RAPGEF1: variants seen among roughly 807,000 people sequenced by gnomAD.
The protein encoded by RAPGEF1 is Rap guanine nucleotide exchange factor 1, also known as CRK SH3-binding GNRP.
In RAPGEF1, 33 loss-of-function variants were observed where a neutral mutation model predicts 143.3. The ratio of observed to expected loss-of-function variants is 0.23; its 90% CI spans 0.17 to 0.31. The LOEUF (loss-of-function observed/expected upper bound fraction) is 0.31, where lower values mean the gene tolerates loss of function less well. RAPGEF1 is among the 10% of genes least tolerant of loss of function. The pLI, the probability that RAPGEF1 is intolerant of heterozygous loss-of-function variation, is 1.00. For synonymous variants in RAPGEF1, 629 were observed against 676.5 expected, an observed-to-expected ratio of 0.93 and a Z score of 1.09; for missense variants, 1,199 against 1,645.4, an observed-to-expected ratio of 0.73 and a Z score of 4.69.
At chr9:131,707,086 CAT>C (rs1411538575) in intron 1 of RAPGEF1, among the ~76,000 whole-genome samples, 5 of 152,218 alleles carry the variant, frequency 3.3e-5, no homozygotes, top group Admixed American at 2.6e-4. Flanking sequence ...CGTAAGTAAA[CAT>C]ATTAAATTTC....
chr9:131,724,603 A>T (rs1836516225), intron 1 of RAPGEF1, among the ~76,000 whole-genome samples: 1 of 152,200 alleles, frequency 6.6e-6, no homozygotes. Flanking sequence ...TCAGAAAAAA[A>T]AAAGTCCACT....
intron 12 of RAPGEF1, among the ~76,000 whole-genome samples, chr9:131,607,000 C>T (rs1453620559): frequency 1.3e-5 from 2 of 152,180 alleles, no homozygotes; most frequent in South Asian, 2.1e-4. Context: ...GCAACCCTCT[C>T]GTTTCCACCT....
At chr9:131,710,325 C>G (rs185863942) in intron 1 of RAPGEF1, among the ~76,000 whole-genome samples, 132 of 152,286 alleles carry the variant, frequency 8.7e-4, no homozygotes, top group Admixed American at 1.4e-3. Context: ...GAAGAAAACA[C>G]CTTGGGGACA....
At chr9:131,727,670 G>A (rs1021694050) in intron 1 of RAPGEF1, among the ~76,000 whole-genome samples, 1 of 152,122 alleles carries the variant, frequency 6.6e-6, no homozygotes, top group Non-Finnish European at 1.5e-5. Context: ...AGGGAACTCC[G>A]CACCCCTGCA....
chr9:131,651,629 A>G (rs1156950406), intron 1 of RAPGEF1, among the ~76,000 whole-genome samples: 4 of 152,258 alleles, frequency 2.6e-5, no homozygotes, highest in Non-Finnish European at 5.9e-5. Context: ...CAAAAGCACA[A>G]GTAACAAAAT....
In RAPGEF1 at chr9:131,674,500, C is replaced by A. The variant is rs578130410; in HGVS notation, c.62-23551G>T. ...GGTTCCCCAAGGCGTGAGAAGCCAC[C>A]ACTGTGGTCCCTCTCCCTCAGGTGC... On this transcript the variant is annotated intron_variant, in intron 1 of 26. Coordinates refer to ENST00000683357, the MANE Select transcript of RAPGEF1 (RefSeq NM_001377935.1). 2.0e-5 allele frequency among the ~76,000 whole-genome samples: 3 copies of A among 152,226 alleles called. No individual in the cohort carries two copies. In the South Asian group the frequency reaches 6.2e-4, roughly 32 times the overall value.
intron 12 of RAPGEF1, among the ~76,000 whole-genome samples, chr9:131,614,149 C>CCG (rs1391905412): frequency 6.6e-6 from 1 of 151,804 alleles, no homozygotes; most frequent in African/African-American, 2.4e-5. Context: ...CACCCCCCCC[C>CCG]AAGGAGGGGC....
At chr9:131,695,868 ACT>A (rs1238238501) in intron 1 of RAPGEF1, among the ~76,000 whole-genome samples, 3 of 152,034 alleles carry the variant, frequency 2.0e-5, no homozygotes, top group African/African-American at 7.2e-5. Context: ...AATCAATGTA[ACT>A]CTGCAGGCAA....
At chr9:131,708,257 C>T (rs1370424276) in intron 1 of RAPGEF1, among the ~76,000 whole-genome samples, 1 of 152,194 alleles carries the variant, frequency 6.6e-6, no homozygotes, top group Non-Finnish European at 1.5e-5. Flanking sequence ...TGTCTTGCTA[C>T]TGATCAAATG....
rs142115825 is a variant in RAPGEF1, at chr9:131,614,148, C to G, written c.2061+4903G>C. ...CCAGTGTGTGCACCAACACCCCCCC[C>G]CAAGGAGGGGCTGCCTTGAGAAACC... On this transcript the variant is annotated intron_variant, in intron 12 of 26. Coordinates refer to ENST00000683357, the MANE Select transcript of RAPGEF1 (RefSeq NM_001377935.1). 3.3e-3 allele frequency among the ~76,000 whole-genome samples: 496 copies of G among 152,102 alleles called. 2 individuals are homozygous for G. The highest frequency in any genetic ancestry group is 4.7e-3 in the Non-Finnish European group (318 of 67,966).
In RAPGEF1 at chr9:131,592,201, T is replaced by A; in HGVS notation, c.2690-18A>T. 1 of 1,567,786 alleles carries A rather than the reference T, an allele frequency of 6.4e-7. No individual in the cohort carries two copies. Among genetic ancestry groups the A allele is most frequent in the Non-Finnish European group, 8.8e-7 (1 of 1,138,768 alleles). On this transcript the variant is annotated intron_variant, in intron 17 of 26. Coordinates refer to ENST00000683357, the MANE Select transcript of RAPGEF1 (RefSeq NM_001377935.1). ...CACCAAATCTAGAGGGAAAAAACAATGCAAACTGCTTGTCTGGGTGCAGAG... is the reference window on the plus strand; with the variant it reads ...CACCAAATCTAGAGGGAAAAAACAAAGCAAACTGCTTGTCTGGGTGCAGAG...
At chr9:131,708,282 T>C (rs1835229588) in intron 1 of RAPGEF1, among the ~76,000 whole-genome samples, 1 of 152,226 alleles carries the variant, frequency 6.6e-6, no homozygotes, top group Admixed American at 6.5e-5. Context: ...CGCAACTTCT[T>C]CTGGCAAGAG....
chr9:131,596,869 G>C (rs952459070), intron 16 of RAPGEF1, among the ~76,000 whole-genome samples: 1 of 152,226 alleles, frequency 6.6e-6, no homozygotes, highest in Non-Finnish European at 1.5e-5. Flanking sequence ...TCCCCAGGTG[G>C]AAGTAGAAGT....
chr9:131,678,170 A>G (rs1243928818), intron 1 of RAPGEF1, among the ~76,000 whole-genome samples: 3 of 152,242 alleles, frequency 2.0e-5, no homozygotes. Flanking sequence ...CTTTAAAAGC[A>G]AACAGAGTCA....
At chr9:131,662,341 A>G (rs1292433993) in intron 1 of RAPGEF1, among the ~76,000 whole-genome samples, 1 of 152,126 alleles carries the variant, frequency 6.6e-6, no homozygotes, top group East Asian at 1.9e-4. Flanking sequence ...ACTTGCCTAT[A>G]TGTTGTCTAC....
At chr9:131,696,788 G>C (rs551247062) in intron 1 of RAPGEF1, among the ~76,000 whole-genome samples, 9 of 152,340 alleles carry the variant, frequency 5.9e-5, no homozygotes, top group Admixed American at 5.2e-4. Context: ...GACGCATCTT[G>C]AAAGTATGGA....
At chr9:131,629,978 C>T (rs1284965937) in intron 6 of RAPGEF1, among the ~76,000 whole-genome samples, 1 of 152,040 alleles carries the variant, frequency 6.6e-6, no homozygotes, top group Non-Finnish European at 1.5e-5. Context: ...CGAAGCTGCC[C>T]AGGAAAAGCA....
At chr9:131,696,458 T>G (rs1473109200) in intron 1 of RAPGEF1, among the ~76,000 whole-genome samples, 1 of 152,222 alleles carries the variant, frequency 6.6e-6, no homozygotes, top group Admixed American at 6.5e-5. Flanking sequence ...ATATGGTCTT[T>G]ATAGAAAAAG....
At chr9:131,668,931 T>C (rs1345879710) in intron 1 of RAPGEF1, among the ~76,000 whole-genome samples, 1 of 152,230 alleles carries the variant, frequency 6.6e-6, no homozygotes, top group African/African-American at 2.4e-5. Flanking sequence ...GGAACCTGCC[T>C]GTTAGGATGG....
Sources: allele counts gnomAD v4.1 joint callset (sites outside exome capture counted in the v4.1 genomes callset), GRCh38; gene constraint gnomAD v4.1.1; transcripts MANE v1.5; gene names NCBI Gene and HGNC (gene_info 2026-07-23, HGNC 2026-07-21).